Variants in PAPSS2 observed in about 807,000 individuals in gnomAD.
The protein encoded by PAPSS2 is 3'-phosphoadenosine 5'-phosphosulfate synthase 2, also known as bifunctional 3'-phosphoadenosine 5'-phosphosulfate synthase 2.
Under a neutral mutation model 66.5 loss-of-function variants are expected in PAPSS2, and 61 were observed. The observed-to-expected ratio is 0.92, with a 90% CI of 0.75 to 1.14. The LOEUF (loss-of-function observed/expected upper bound fraction) is 1.14, where lower values mean the gene tolerates loss of function less well. PAPSS2 is among the 50% of genes most tolerant of loss of function. PAPSS2 has a pLI of 0.00. For missense variants in PAPSS2, 708 were observed against 789.6 expected (o/e 0.90, Z 1.24); for synonymous variants, 289 against 287.5 (o/e 1.01, Z -0.05).
chr10:87,745,899 C>A lies in PAPSS2; in HGVS notation c.1789C>A (p.Pro597Thr). The A allele has an allele frequency of 6.2e-7, 1 of 1,614,014 alleles. No homozygotes were observed. The highest frequency in any genetic ancestry group is 8.5e-7 in the Non-Finnish European group (1 of 1,179,940). The change falls in exon 13 of 13, where the codon CCA (proline) becomes ACA (threonine). Residue 597 changes from proline to threonine, a missense_variant. Pro to Thr is a conservative substitution (Grantham distance 38). Transcript: ENST00000456849. ...GCTCGCCCGGGAAGGAGAGAATCCC[C>A]CAGATGGCTTCATGGCCCCCAAAGC... The part of the protein sequence containing the change: ...RKLAREGENP[P>T]DGFMAPKAWK...
intron 1 of PAPSS2, chr10:87,703,997 T>A: frequency 2.0e-6 from 1 of 502,746 alleles, no homozygotes; most frequent in South Asian, 1.5e-5. Context: ...GCTTAGAACA[T>A]CATAGGCTCT....
At chr10:87,703,276 CGTGT>C (rs10673718) in intron 1 of PAPSS2, among the ~76,000 whole-genome samples, 4,337 of 145,520 alleles carry the variant, frequency 0.03, 120 homozygotes, top group African/African-American at 0.07. Flanking sequence ...AACAACATTG[CGTGT>C]GTGTGTGTGT....
chr10:87,708,229 C>T (rs1853416772), intron 1 of PAPSS2, among the ~76,000 whole-genome samples: 1 of 152,124 alleles, frequency 6.6e-6, no homozygotes, highest in Non-Finnish European at 1.5e-5. Flanking sequence ...TTTATTACAG[C>T]CAAAATAAAG....
At chr10:87,661,127 G>C in intron 1 of PAPSS2, 1 of 397,520 alleles carries the variant, frequency 2.5e-6, no homozygotes, top group South Asian at 1.7e-5. Flanking sequence ...TTTGTGGTGG[G>C]CCGGGGAGAG....
chr10:87,731,579 G>T (rs571124603), intron 9 of PAPSS2, among the ~76,000 whole-genome samples: 1 of 152,212 alleles, frequency 6.6e-6, no homozygotes, highest in Non-Finnish European at 1.5e-5. Flanking sequence ...TTCTGGAAGG[G>T]ATTCACCATT....
intron 1 of PAPSS2, among the ~76,000 whole-genome samples, chr10:87,687,964 A>G (rs1287351506): frequency 6.6e-6 from 1 of 152,106 alleles, no homozygotes; most frequent in Non-Finnish European, 1.5e-5. Context: ...AATGCCACCT[A>G]TTTTCTTTCA....
chr10:87,745,900 C>CTCTG lies in PAPSS2; in HGVS notation c.1790_1791insTCTG (p.Asp598LeufsTer62). The CTCTG allele has an allele frequency of 6.2e-7, 1 of 1,613,994 alleles. No individual in the cohort carries two copies. The highest frequency in any genetic ancestry group is 1.1e-5 in the South Asian group (1 of 91,064). On this transcript the variant is annotated frameshift_variant, in exon 13 of 13. Transcript: ENST00000456849. LOFTEE classifies it high-confidence loss of function. ...CTCGCCCGGGAAGGAGAGAATCCCC[C>CTCTG]AGATGGCTTCATGGCCCCCAAAGCA...
chr10:87,690,721 T>A (rs1196247878), intron 1 of PAPSS2, among the ~76,000 whole-genome samples: 1 of 152,192 alleles, frequency 6.6e-6, no homozygotes, highest in African/African-American at 2.4e-5. Context: ...AAAACAACTA[T>A]TTTTCTTTTT....
intron 9 of PAPSS2, 62 bp downstream of exon 9, chr10:87,727,551 T>C: frequency 7.5e-7 from 1 of 1,324,690 alleles, no homozygotes. Flanking sequence ...GAAAAATAAC[T>C]CTTTTTAATT....
chr10:87,726,371 A>C (rs927578644), intron 8 of PAPSS2, among the ~76,000 whole-genome samples: 5 of 152,250 alleles, frequency 3.3e-5, no homozygotes, highest in African/African-American at 4.8e-5. Context: ...CAGAGGTTGC[A>C]GTGAGCCAAG....
Position 87,713,055 on chromosome 10 carries a change from G to C in PAPSS2, c.146-20G>C, listed in dbSNP as rs576299084. ...AAACTATCCAGGCCGATGTCAGTCTGTTTTATCTGTTCTGAACAGGTCTCT... is the reference window on the plus strand; with the variant it reads ...AAACTATCCAGGCCGATGTCAGTCTCTTTTATCTGTTCTGAACAGGTCTCT... On this transcript the variant is annotated intron_variant, in intron 2 of 12. Transcript: ENST00000456849. The C allele has an allele frequency of 7.0e-7, 1 of 1,420,698 alleles. No individual in the cohort carries two copies. The highest frequency in any genetic ancestry group is 1.7e-5 in the Admixed American group (1 of 59,504). 88.0% of individuals were successfully genotyped at this position (1,420,698 alleles called of 1,614,324 possible).
intron 2 of PAPSS2, among the ~76,000 whole-genome samples, chr10:87,710,239 C>T (rs1853447100): frequency 6.6e-6 from 1 of 152,188 alleles, no homozygotes; most frequent in Non-Finnish European, 1.5e-5. Flanking sequence ...CCTTTTCTGT[C>T]CCAACTGGCC....
At chr10:87,690,390 A>G (rs533336068) in intron 1 of PAPSS2, among the ~76,000 whole-genome samples, 177 of 151,828 alleles carry the variant, frequency 1.2e-3, no homozygotes, top group African/African-American at 4.0e-3. Context: ...AAACTGACAG[A>G]GCATGTAAGG....
chr10:87,702,783 C>G (rs148394076), intron 1 of PAPSS2, among the ~76,000 whole-genome samples: 2 of 152,146 alleles, frequency 1.3e-5, no homozygotes, highest in African/African-American at 2.4e-5. Context: ...CACCAGACAC[C>G]TGGTTTAGGG....
chr10:87,713,633 G>A (rs1252883312), intron 3 of PAPSS2, among the ~76,000 whole-genome samples: 1 of 152,180 alleles, frequency 6.6e-6, no homozygotes, highest in Non-Finnish European at 1.5e-5. Flanking sequence ...TGTAATTTTA[G>A]TTGTCGGAAA....
At chr10:87,681,419 T>C (rs931475272) in intron 1 of PAPSS2, among the ~76,000 whole-genome samples, 6 of 152,222 alleles carry the variant, frequency 3.9e-5, no homozygotes, top group African/African-American at 1.4e-4. Flanking sequence ...GCCTTGGTCA[T>C]AGACAAAAAT....
At chr10:87,720,745 A>C (rs1853582994) in intron 7 of PAPSS2, among the ~76,000 whole-genome samples, 1 of 39,386 alleles carries the variant, frequency 2.5e-5, no homozygotes. Context: ...CCAAAAGCCA[A>C]AAAAAAACCC....
intron 1 of PAPSS2, among the ~76,000 whole-genome samples, chr10:87,693,590 C>T (rs563465624): frequency 6.6e-5 from 10 of 152,258 alleles, no homozygotes; most frequent in African/African-American, 2.4e-4. Context: ...GCATGTGGCG[C>T]GTTTGACATA....
chr10:87,731,974 A>T (rs1853735358), intron 9 of PAPSS2, among the ~76,000 whole-genome samples: 1 of 152,236 alleles, frequency 6.6e-6, no homozygotes, highest in South Asian at 2.1e-4. Context: ...ATTGACTCCA[A>T]TTTTGAAGGA....
Sources: allele counts gnomAD v4.1 joint callset (sites outside exome capture counted in the v4.1 genomes callset), GRCh38; gene constraint gnomAD v4.1.1; transcripts MANE v1.5; gene names NCBI Gene and HGNC (gene_info 2026-07-23, HGNC 2026-07-21).